The following CCKAR variants were observed in gnomAD, a reference collection of about 807,000 sequenced individuals.
CCKAR encodes cholecystokinin receptor type A.
A neutral mutation model predicts 29.8 loss-of-function variants in CCKAR; 21 were observed. That is an observed-to-expected ratio of 0.70 (90% CI 0.50 to 1.01). The LOEUF (loss-of-function observed/expected upper bound fraction) is 1.01, where lower values mean the gene tolerates loss of function less well. CCKAR is among the 50% of genes least tolerant of loss of function. The pLI is 0.00. For missense variants in CCKAR, 570 were observed against 560.6 expected (o/e 1.02, Z -0.17); for synonymous variants, 238 against 221.3 (o/e 1.08, Z -0.67).
intron 1 of CCKAR, 70 bp downstream of exon 1, chr4:26,490,086 C>A: frequency 1.1e-6 from 1 of 935,682 alleles, no homozygotes; most frequent in Admixed American, 1.9e-5. Flanking sequence ...TTTTTATCAG[C>A]CTTGCCTTTG....
At chr4:26,485,580 A>G in intron 3 of CCKAR, 57 bp downstream of exon 3, 1 of 1,591,760 alleles carries the variant, frequency 6.3e-7, no homozygotes, top group Non-Finnish European at 8.6e-7. Context: ...TCAGTTTTTC[A>G]TGATATTGCA....
In CCKAR at chr4:26,489,685, G is replaced by T. The variant is rs1054834075; in HGVS notation, c.113-201C>A. On this transcript the variant is annotated intron_variant, in intron 1 of 4. Transcript: ENST00000295589. ...GAATTATTTTCTTTTTAGAAGGTTG[G>T]TTTGTTAAAGGATCACTCAGGGAAC... Among the ~76,000 whole-genome samples the T allele has an allele frequency of 2.0e-5, 3 of 152,212 alleles. No homozygotes were observed. The East Asian group carries it at 5.8e-4, about 29-fold the overall frequency.
rs767349764 is a variant in CCKAR, at chr4:26,481,721, C to G, written c.1204G>C (p.Glu402Gln). Residue 402 changes from glutamate to glutamine, a missense_variant, in exon 5 of 5, where the codon GAG becomes CAG. By Grantham distance (29) the Glu-to-Gln change is conservative (BLOSUM62 2). Coordinates refer to ENST00000295589, the MANE Select transcript of CCKAR (RefSeq NM_000730.3). ...GPPGARGEVGEEEEGGTTGAS... is the reference protein window; with the variant it reads ...GPPGARGEVGQEEEGGTTGAS... ...CCTGTGGTCCCGCCTTCCTCCTCCT[C>G]CCCCACCTCTCCCCTCGCCCCTGGG... is the stretch of plus-strand genomic sequence containing the variant. 2.5e-5 allele frequency: 41 copies of G among 1,614,090 alleles called. No homozygotes were observed. The highest frequency in any genetic ancestry group is 2.2e-4 in the Admixed American group (13 of 60,014).
In CCKAR at chr4:26,490,155, C is replaced by A; in HGVS notation, c.112+1G>T. ...TTAAAATAACAGCTTCCGACACTTA[C>A]CTTTGGAAGGACGGGGCTGATCCAA... On this transcript the variant is annotated splice_donor_variant, in intron 1 of 4. Transcript: ENST00000295589. LOFTEE classifies it high-confidence loss of function. The A allele has an allele frequency of 6.2e-7, 1 of 1,602,292 alleles. No individual in the cohort carries two copies. The highest frequency in any genetic ancestry group is 8.5e-7 in the Non-Finnish European group (1 of 1,169,694).
chr4:26,484,412 A>G (rs867226348), intron 3 of CCKAR, among the ~76,000 whole-genome samples: 1 of 152,330 alleles, frequency 6.6e-6, no homozygotes, highest in Non-Finnish European at 1.5e-5. Flanking sequence ...CTTCTAAAAC[A>G]TCCCTGCAAT....
Position 26,482,029 on chromosome 4 carries a change from T to C in CCKAR, c.896A>G (p.Asn299Ser). 1 of 1,614,218 alleles carries C rather than the reference T, an allele frequency of 6.2e-7. No individual in the cohort carries two copies. The highest frequency in any genetic ancestry group is 8.5e-7 in the Non-Finnish European group (1 of 1,180,030). The change falls in exon 5 of 5, where the codon AAC (asparagine) becomes AGC (serine). Residue 299 changes from asparagine (N) to serine (S), a missense_variant. Coordinates refer to ENST00000295589, the MANE Select transcript of CCKAR (RefSeq NM_000730.3). ...GGCCATCAGGTTGGCTGCGGAGCTG[T>C]TACTCCGGATGCGGTTGGCCCTGCT... The part of the protein sequence containing the change: ...SSSRANRIRS[N>S]SSAANLMAKK...
chr4:26,481,632 G>T lies in CCKAR; in HGVS notation c.*6C>A. The stretch of plus-strand genomic sequence containing the variant: ...TTCCTTCTGCGGTGGAGGGTCAGGG[G>T]ACATCTCACTGGGGTGGCACCGAGG... On this transcript the variant is annotated 3_prime_UTR_variant, in exon 5 of 5. Transcript: ENST00000295589. The T allele has an allele frequency of 6.2e-7, 1 of 1,613,954 alleles. No homozygotes were observed. Among genetic ancestry groups the T allele is most frequent in the South Asian group, 1.1e-5 (1 of 91,052 alleles).
intron 2 of CCKAR, among the ~76,000 whole-genome samples, chr4:26,486,169 C>T (rs1051380741): frequency 6.6e-6 from 1 of 152,158 alleles, no homozygotes; most frequent in Admixed American, 6.5e-5. Context: ...CACCTAACAC[C>T]TGCTTAGGCT....
At position 26,484,211 on chromosome 4, in the gene CCKAR, T is replaced by C. The variant is rs182540062; in HGVS notation, c.627-928A>G. 3.2e-3 allele frequency among the ~76,000 whole-genome samples: 483 copies of C among 152,364 alleles called. 3 individuals are homozygous for C. The highest frequency in any genetic ancestry group is 0.011 in the African/African-American group (455 of 41,582). Reference sequence around the variant, plus strand: ...AGGCCATAAAATTGTCAGAGGCTCATGGTGGCTGGGCCATTTCTCACTTCA... The same window carrying C: ...AGGCCATAAAATTGTCAGAGGCTCACGGTGGCTGGGCCATTTCTCACTTCA... On this transcript the variant is annotated intron_variant, in intron 3 of 4. Coordinates refer to ENST00000295589, the MANE Select transcript of CCKAR (RefSeq NM_000730.3).
At chr4:26,486,424 A>G (rs898682949) in intron 2 of CCKAR, among the ~76,000 whole-genome samples, 4 of 152,242 alleles carry the variant, frequency 2.6e-5, no homozygotes, top group Non-Finnish European at 5.9e-5. Flanking sequence ...GAAACAATCT[A>G]TATTTCAAAA....
At position 26,483,194 on chromosome 4, in the gene CCKAR, C is replaced by T; in HGVS notation, c.716G>A (p.Gly239Glu). The T allele has an allele frequency of 1.2e-6, 2 of 1,613,838 alleles. No individual in the cohort carries two copies. Among genetic ancestry groups the T allele is most frequent in the Non-Finnish European group, 1.7e-6 (2 of 1,179,906 alleles). Residue 239 changes from glycine to glutamate, a missense_variant, in exon 4 of 5, where the codon GGA becomes GAA. Gly to Glu is a moderately conservative substitution (Grantham distance 98). Coordinates refer to ENST00000295589, the MANE Select transcript of CCKAR (RefSeq NM_000730.3). ...CTTCTGGCTAGCCTCAAATTTTATT[C>T]CCTGGTAGAGTTCCAAAGAGATTAA... ...YGLISLELYQ[G>E]IKFEASQKKS...
chr4:26,490,150 ACTTAC>A lies in CCKAR; in HGVS notation c.112+1_112+5del. Reference sequence around the variant, plus strand: ...CTGAATTAAAATAACAGCTTCCGACACTTACCTTTGGAAGGACGGGGCTGATCCAA... The same window carrying A: ...CTGAATTAAAATAACAGCTTCCGACACTTTGGAAGGACGGGGCTGATCCAA... On this transcript the variant is annotated splice_donor_variant and splice_donor_5th_base_variant and intron_variant, in intron 1 of 4. Coordinates refer to ENST00000295589, the MANE Select transcript of CCKAR (RefSeq NM_000730.3). LOFTEE classifies it high-confidence loss of function. 2 of 1,593,592 alleles carry A rather than the reference ACTTAC, an allele frequency of 1.3e-6. No individual in the cohort carries two copies. The highest frequency in any genetic ancestry group is 1.7e-6 in the Non-Finnish European group (2 of 1,161,956).
intron 2 of CCKAR, among the ~76,000 whole-genome samples, chr4:26,487,470 A>ATAAC (rs1737471876): frequency 1.3e-5 from 2 of 152,224 alleles, no homozygotes; most frequent in Admixed American, 1.3e-4. Flanking sequence ...TGGATCATCA[A>ATAAC]TAACTATAAA....
chr4:26,486,176 G>A (rs1737447426), intron 2 of CCKAR, among the ~76,000 whole-genome samples: 1 of 152,138 alleles, frequency 6.6e-6, no homozygotes, highest in African/African-American at 2.4e-5. Context: ...CACCTGCTTA[G>A]GCTCAAGGTG....
Position 26,481,996 on chromosome 4 carries a change from C to T in CCKAR, c.929G>A (p.Arg310Lys), listed in dbSNP as rs758406716. The T allele has an allele frequency of 6.2e-7, 1 of 1,614,254 alleles. No homozygotes were observed. Among genetic ancestry groups the T allele is most frequent in the Non-Finnish European group, 8.5e-7 (1 of 1,180,048 alleles). ...SSAANLMAKK[R>K]VIRMLIVIVV... ...GATGACGATGAGCATGCGGATCACC[C>T]TTTTCTTGGCCATCAGGTTGGCTGC... Residue 310 changes from arginine (R) to lysine (K), a missense_variant, in exon 5 of 5, where the codon AGG (arginine) becomes AAG (lysine). Arg to Lys is a conservative substitution (Grantham distance 26). Transcript: ENST00000295589.
chr4:26,483,007 G>A (rs2725301), intron 4 of CCKAR, 149 bp downstream of exon 4: 201,198 of 740,326 alleles, frequency 0.27, 31,911 homozygotes, highest in East Asian at 0.54. Flanking sequence ...TACTGGGCCC[G>A]TGACTGTGCT....
In CCKAR at chr4:26,481,705, C is replaced by A. The variant is rs201060249; in HGVS notation, c.1220G>T (p.Gly407Val). 1 of 1,614,196 alleles carries A rather than the reference C, an allele frequency of 6.2e-7. No individual in the cohort carries two copies. The highest frequency in any genetic ancestry group is 8.5e-7 in the Non-Finnish European group (1 of 1,180,026). Residue 407 changes from glycine to valine, a missense_variant, in exon 5 of 5, where the codon GGG becomes GTG. Coordinates refer to ENST00000295589, the MANE Select transcript of CCKAR (RefSeq NM_000730.3). ...CCTGGACAGAGAGGCTCCTGTGGTC[C>A]CGCCTTCCTCCTCCTCCCCCACCTC... The part of the protein sequence containing the change: ...RGEVGEEEEG[G>V]TTGASLSRFS...
intron 3 of CCKAR, 47 bp from the exon 4 acceptor site, chr4:26,483,330 A>G (rs775682717): frequency 1.3e-6 from 2 of 1,595,186 alleles, no homozygotes; most frequent in South Asian, 2.3e-5. Flanking sequence ...TTAGACCTTC[A>G]AACTCAAATG....
chr4:26,485,832 C>A lies in CCKAR; in HGVS notation c.431G>T (p.Cys144Phe). ...CCAGACCCGGGACTGTAAGGGTTTG[C>A]AAATCGCACCATATCTCTCTAGAGA... is the stretch of plus-strand genomic sequence containing the variant. ...AISLERYGAI[C>F]KPLQSRVWQT... Residue 144 changes from cysteine to phenylalanine, a missense_variant, in exon 3 of 5, where the codon TGC becomes TTC. Coordinates refer to ENST00000295589, the MANE Select transcript of CCKAR (RefSeq NM_000730.3). The A allele has an allele frequency of 6.2e-7, 1 of 1,613,894 alleles. No homozygotes were observed. The highest frequency in any genetic ancestry group is 8.5e-7 in the Non-Finnish European group (1 of 1,179,892).
Sources: gnomAD v4.1 joint callset for allele counts (sites outside exome capture counted in the v4.1 genomes callset) on GRCh38, gnomAD v4.1.1 for gene constraint, MANE v1.5 for transcripts, NCBI Gene and HGNC (gene_info 2026-07-23, HGNC 2026-07-21) for gene names.